SMOC2: variants seen among roughly 807,000 people sequenced by gnomAD.
The protein encoded by SMOC2 is SPARC-related modular calcium-binding protein 2.
In SMOC2, 39 loss-of-function variants were observed where a neutral mutation model predicts 61.4. That is an observed-to-expected ratio of 0.64 (90% CI 0.49 to 0.83). The LOEUF is 0.83. SMOC2 is among the 40% of genes least tolerant of loss of function. SMOC2 has a pLI of 0.00. For missense variants in SMOC2, 556 were observed against 592.9 expected (o/e 0.94, Z 0.65); for synonymous variants, 247 against 239.9 (o/e 1.03, Z -0.27).
At chr6:168,657,080 C>G (rs1164803949) in intron 11 of SMOC2, among the ~76,000 whole-genome samples, 1 of 152,278 alleles carries the variant, frequency 6.6e-6, no homozygotes, top group African/African-American at 2.4e-5. Context: ...GGCTGATCAA[C>G]TGCAATGCAT....
At chr6:168,471,535 C>T (rs1009224159) in intron 1 of SMOC2, among the ~76,000 whole-genome samples, 1 of 152,210 alleles carries the variant, frequency 6.6e-6, no homozygotes, top group African/African-American at 2.4e-5. Context: ...AGTATCTCTT[C>T]AACACCTTGC....
intron 7 of SMOC2, among the ~76,000 whole-genome samples, chr6:168,580,531 G>A (rs768182138): frequency 9.9e-5 from 15 of 152,132 alleles, no homozygotes; most frequent in Non-Finnish European, 1.9e-4. Context: ...ATAAAACACA[G>A]GTTTTGGTTT....
At chr6:168,638,728 A>C (rs958470997) in intron 9 of SMOC2, among the ~76,000 whole-genome samples, 2 of 152,176 alleles carry the variant, frequency 1.3e-5, no homozygotes, top group African/African-American at 4.8e-5. Flanking sequence ...TGGGCGGCTG[A>C]CAGGTGTAGG....
chr6:168,564,245 C>T (rs1784491877), intron 7 of SMOC2, among the ~76,000 whole-genome samples: 1 of 152,080 alleles, frequency 6.6e-6, no homozygotes, highest in Non-Finnish European at 1.5e-5. Flanking sequence ...TTTTCTTCCA[C>T]TCTGAGCCGT....
intron 9 of SMOC2, among the ~76,000 whole-genome samples, chr6:168,618,311 T>A (rs1786149627): frequency 6.6e-6 from 1 of 152,194 alleles, no homozygotes; most frequent in Non-Finnish European, 1.5e-5. Context: ...GCCAGCGTAG[T>A]GGCATTAAGA....
At chr6:168,655,364 T>C in intron 11 of SMOC2, 1 of 455,802 alleles carries the variant, frequency 2.2e-6, no homozygotes, top group Non-Finnish European at 4.4e-6. Flanking sequence ...AAATACTTTT[T>C]TTTGTGGGCC....
intron 9 of SMOC2, among the ~76,000 whole-genome samples, chr6:168,628,334 T>G (rs1786471368): frequency 6.6e-6 from 1 of 152,190 alleles, no homozygotes. Context: ...CTGGAGAACA[T>G]CATGCTGCCA....
intron 1 of SMOC2, among the ~76,000 whole-genome samples, chr6:168,485,946 C>T (rs572456552): frequency 2.6e-5 from 4 of 152,216 alleles, no homozygotes; most frequent in East Asian, 3.9e-4. Context: ...TGTAATGTTA[C>T]GAGCAACTGC....
chr6:168,657,662 A>C (rs1787361417), intron 11 of SMOC2, among the ~76,000 whole-genome samples: 1 of 152,138 alleles, frequency 6.6e-6, no homozygotes, highest in Non-Finnish European at 1.5e-5. Flanking sequence ...CCTTATGAAC[A>C]CAAACGTATT....
intron 9 of SMOC2, among the ~76,000 whole-genome samples, chr6:168,629,450 A>G (rs577406656): frequency 6.6e-6 from 1 of 152,378 alleles, no homozygotes; most frequent in African/African-American, 2.4e-5. Flanking sequence ...GCCACAGGAC[A>G]GGCTGATTGG....
At position 168,656,525 on chromosome 6, in the gene SMOC2, A is replaced by AG. The variant is rs1487673042; in HGVS notation, c.1285+3297_1285+3298insG. 8.7e-3 allele frequency among the ~76,000 whole-genome samples: 1,223 copies of AG among 140,422 alleles called. 24 individuals are homozygous for AG. Among genetic ancestry groups the AG allele is most frequent in the African/African-American group, 0.029 (1,148 of 39,522 alleles). 92.1% of individuals were successfully genotyped at this position (140,422 alleles called of 152,430 possible). A position where few individuals can be genotyped will look rare whatever the true frequency, so the allele number is the denominator to read the frequency against. On this transcript the variant is annotated intron_variant, in intron 11 of 12. Coordinates refer to ENST00000356284, the MANE Select transcript of SMOC2 (RefSeq NM_001166412.2). ...TTTGTGTTAAAAAAAAAAAAAAAAA[A>AG]AAAAAGAAAAGAAAAGAAAAAGAGA...
chr6:168,650,745 G>T lies in SMOC2; in HGVS notation c.972G>T (p.Met324Ile). The change falls in exon 10 of 13, where the codon ATG (methionine) becomes ATT (isoleucine). Residue 324 changes from methionine to isoleucine, a missense_variant. Met to Ile is a conservative substitution (Grantham distance 10, BLOSUM62 1). Transcript: ENST00000356284. ...TTCTGGACGCGCTGTCCACGGACAT[G>T]GTCCACGCCGCCTCCGACCCCTCCT... Reference protein sequence around the residue: ...TSVLDALSTDMVHAASDPSSS... With the variant: ...TSVLDALSTDIVHAASDPSSS... 6.2e-7 allele frequency: 1 copy of T among 1,613,200 alleles called. No individual in the cohort carries two copies.
intron 11 of SMOC2, among the ~76,000 whole-genome samples, chr6:168,653,669 AAAT>A: frequency 4.6e-5 from 6 of 131,124 alleles, no homozygotes; most frequent in Non-Finnish European, 7.9e-5. Flanking sequence ...AGCTCCAACC[AAAT>A]GTTAGGAACT....
intron 1 of SMOC2, among the ~76,000 whole-genome samples, chr6:168,499,190 C>A (rs968015355): frequency 6.6e-6 from 1 of 152,132 alleles, no homozygotes; most frequent in African/African-American, 2.4e-5. Context: ...CCCAGACCTA[C>A]AAGCCAGTCT....
intron 1 of SMOC2, among the ~76,000 whole-genome samples, chr6:168,487,133 G>A (rs1361065423): frequency 1.3e-5 from 2 of 152,210 alleles, no homozygotes; most frequent in Non-Finnish European, 2.9e-5. Context: ...CCTGCTTCTT[G>A]TTGCTGGTTG....
chr6:168,602,507 A>C, intron 8 of SMOC2, among the ~76,000 whole-genome samples: 1 of 152,150 alleles, frequency 6.6e-6, no homozygotes, highest in Non-Finnish European at 1.5e-5. Context: ...AATTGGCCGG[A>C]ATATCACTGA....
intron 7 of SMOC2, among the ~76,000 whole-genome samples, chr6:168,565,809 C>A (rs749855845): frequency 6.6e-6 from 1 of 152,202 alleles, no homozygotes. Flanking sequence ...CAGTGAAAAA[C>A]GGCTTTACAA....
intron 9 of SMOC2, among the ~76,000 whole-genome samples, chr6:168,642,909 C>T (rs959133228): frequency 6.6e-6 from 1 of 152,144 alleles, no homozygotes; most frequent in African/African-American, 2.4e-5. Flanking sequence ...GGAAACATCT[C>T]GCACCCCTTT....
At chr6:168,664,511 G>C (rs1457137750) in intron 12 of SMOC2, 2 of 391,806 alleles carry the variant, frequency 5.1e-6, no homozygotes, top group Middle Eastern at 7.3e-4. Context: ...ACCGTACCCG[G>C]CTGAATTTTT....
Sources: allele counts gnomAD v4.1 joint callset (sites outside exome capture counted in the v4.1 genomes callset), GRCh38; gene constraint gnomAD v4.1.1; transcripts MANE v1.5; gene names NCBI Gene and HGNC (gene_info 2026-07-23, HGNC 2026-07-21).